PCNX1: variants seen among roughly 807,000 people sequenced by gnomAD.
PCNX1 encodes pecanex-like protein 1.
In PCNX1, 78 loss-of-function variants were observed where a neutral mutation model predicts 242.2. That is an observed-to-expected ratio of 0.32 (90% confidence interval 0.27 to 0.39). PCNX1 has a LOEUF of 0.39. Among genes scored for constraint, PCNX1 ranks in the 10% least tolerant of loss-of-function variants. PCNX1 has a pLI of 1.00. For missense variants in PCNX1, 2,581 were observed against 2,856.5 expected, an observed-to-expected ratio of 0.90 and a Z score of 2.20; for synonymous variants, 1,024 against 1,032.9, an observed-to-expected ratio of 0.99 and a Z score of 0.17.
intron 33 of PCNX1, among the ~76,000 whole-genome samples, chr14:71,106,049 T>C (rs2062609037): frequency 6.6e-6 from 1 of 152,036 alleles, no homozygotes; most frequent in Non-Finnish European, 1.5e-5. Context: ...AGTCTCACTC[T>C]GTTGCTCAGG....
chr14:71,041,905 A>T (rs576491048), intron 19 of PCNX1, among the ~76,000 whole-genome samples: 51 of 152,094 alleles, frequency 3.4e-4, no homozygotes, highest in African/African-American at 1.2e-3. Flanking sequence ...GGAAATTTTT[A>T]AATTTTATTT....
intron 1 of PCNX1, among the ~76,000 whole-genome samples, chr14:70,936,392 G>C (rs2057006411): frequency 1.3e-5 from 2 of 150,510 alleles, no homozygotes; most frequent in Non-Finnish European, 1.5e-5. Flanking sequence ...TTGGTTTTCT[G>C]TCCTTGCGAC....
rs1370378590 is a variant in PCNX1 at position 71,047,007 on chromosome 14, T to G, written c.4062T>G (p.Leu1354=). ...MMWFEKLHVW[L]LFVEKNIIYP... Reference sequence around the variant, plus strand: ...GGTTTGAGAAACTTCATGTGTGGCTTCTTTTTGTGGAGAAGAATATAATCT... The same window carrying G: ...GGTTTGAGAAACTTCATGTGTGGCTGCTTTTTGTGGAGAAGAATATAATCT... The change falls in exon 21 of 36, where the codon CTT becomes CTG. Residue 1354 remains leucine (L), a synonymous_variant. Coordinates refer to ENST00000304743, the MANE Select transcript of PCNX1 (RefSeq NM_014982.3). 1.4e-5 allele frequency: 22 copies of G among 1,610,910 alleles called. No individual in the cohort carries two copies. Among genetic ancestry groups the G allele is most frequent in the Non-Finnish European group, 1.9e-5 (22 of 1,178,094 alleles).
At chr14:71,106,178 T>A (rs1566810686) in intron 33 of PCNX1, among the ~76,000 whole-genome samples, 2 of 151,548 alleles carry the variant, frequency 1.3e-5, no homozygotes, top group African/African-American at 2.4e-5. Flanking sequence ...TGCGCCCAAC[T>A]AATTTTTTTT....
intron 26 of PCNX1, among the ~76,000 whole-genome samples, chr14:71,065,991 T>C (rs1010815074): frequency 1.3e-5 from 2 of 152,142 alleles, no homozygotes; most frequent in Non-Finnish European, 2.9e-5. Flanking sequence ...TTTGTACAAG[T>C]ACCATGCTGT....
rs552724882 is a variant in PCNX1 at position 70,941,766 on chromosome 14, C to T, written c.154-5149C>T. Among the ~76,000 whole-genome samples, 23 of 152,310 alleles carry T rather than the reference C, an allele frequency of 1.5e-4. 1 individual carries two copies. Among genetic ancestry groups the T allele is most frequent in the East Asian group, 9.6e-4 (5 of 5,192 alleles). Reference sequence around the variant, plus strand: ...GAGGCAGGCAGGCCTCCTTGAGCTGCGGTGAGCTTCACCCAGTTAGAGCTT... The same window carrying T: ...GAGGCAGGCAGGCCTCCTTGAGCTGTGGTGAGCTTCACCCAGTTAGAGCTT... On this transcript the variant is annotated intron_variant, in intron 1 of 35. Coordinates refer to ENST00000304743, the MANE Select transcript of PCNX1 (RefSeq NM_014982.3).
At position 70,962,375 on chromosome 14, in the gene PCNX1, G is replaced by A. The variant is rs1188084391; in HGVS notation, c.468+44G>A. ...TTATTTTGCCTTTTTCCCTCCTCCT[G>A]ATGGTGGTCTCCGTTATTCTCGTGT... On this transcript the variant is annotated intron_variant, in intron 3 of 35. Transcript: ENST00000304743. 3.0e-6 allele frequency: 3 copies of A among 993,860 alleles called. No individual in the cohort carries two copies. The Admixed American group carries it at 5.1e-5, about 17-fold the overall frequency. The allele number at this position is 993,860 out of a possible 1,614,324, so 61.6% of individuals were successfully genotyped here. A position where few individuals can be genotyped will look rare whatever the true frequency, so the allele number is the denominator to read the frequency against.
chr14:71,079,012 C>G (rs1429535821), intron 28 of PCNX1, among the ~76,000 whole-genome samples: 2 of 152,100 alleles, frequency 1.3e-5, no homozygotes, highest in African/African-American at 4.8e-5. Context: ...CCCCTACACC[C>G]CGACAGGCCC....
In PCNX1 at chr14:71,018,991, A is replaced by C. The variant is rs753440662; in HGVS notation, c.2997-18A>C. The stretch of plus-strand genomic sequence containing the variant: ...TTATACTTAAGATATACTTACCCAT[A>C]AGTTTTTCTGTCCGTAGAAATCGTG... On this transcript the variant is annotated intron_variant, in intron 11 of 35. Coordinates refer to ENST00000304743, the MANE Select transcript of PCNX1 (RefSeq NM_014982.3). 1.2e-6 allele frequency: 2 copies of C among 1,601,976 alleles called. No individual in the cohort carries two copies. The highest frequency in any genetic ancestry group is 2.7e-5 in the African/African-American group (2 of 74,256).
intron 16 of PCNX1, among the ~76,000 whole-genome samples, chr14:71,031,024 CAAACATCACTGA>C (rs2060367182): frequency 6.6e-6 from 1 of 152,130 alleles, no homozygotes; most frequent in African/African-American, 2.4e-5. Flanking sequence ...AAACTTTCTG[CAAACATCACTGA>C]AAACTTCACC....
At chr14:71,045,454 A>T (rs889568477) in intron 20 of PCNX1, among the ~76,000 whole-genome samples, 171 bp downstream of exon 20, 1 of 152,202 alleles carries the variant, frequency 6.6e-6, no homozygotes, top group Non-Finnish European at 1.5e-5. Flanking sequence ...GCTTTAATTT[A>T]GCTGAAATAT....
intron 1 of PCNX1, among the ~76,000 whole-genome samples, chr14:70,931,149 A>G (rs958208870): frequency 6.6e-6 from 1 of 152,160 alleles, no homozygotes; most frequent in Non-Finnish European, 1.5e-5. Flanking sequence ...TGGGAGAGCT[A>G]TGGAACTGAA....
intron 10 of PCNX1, 150 bp from the exon 11 acceptor site, chr14:71,012,835 A>T: frequency 3.4e-6 from 2 of 590,636 alleles, no homozygotes; most frequent in South Asian, 2.1e-5. Context: ...AAAAAAAAAA[A>T]AAAGTGTATG....
In PCNX1 at chr14:70,989,948, T is replaced by C. The variant is rs1595156183; in HGVS notation, c.2444+1249T>C. ...ACCATTTTACAAATTATTTTCTAGC[T>C]ACATTTTAATTTCAAATTCAAAAGG... is the stretch of plus-strand genomic sequence containing the variant. On this transcript the variant is annotated intron_variant, in intron 7 of 35. Transcript: ENST00000304743. Among the ~76,000 whole-genome samples the C allele has an allele frequency of 2.0e-5, 3 of 152,378 alleles. No homozygotes were observed. The East Asian group carries it at 5.8e-4, about 29-fold the overall frequency.
chr14:71,047,322 T>C (rs1404778853), intron 21 of PCNX1, among the ~76,000 whole-genome samples: 1 of 152,160 alleles, frequency 6.6e-6, no homozygotes, highest in African/African-American at 2.4e-5. Flanking sequence ...TCAATTGATA[T>C]TTTATGAGAG....
intron 1 of PCNX1, among the ~76,000 whole-genome samples, chr14:70,917,796 T>G (rs751642695): frequency 1.3e-5 from 2 of 152,240 alleles, no homozygotes; most frequent in Non-Finnish European, 2.9e-5. Context: ...GATATTGACT[T>G]AACCTTCTCT....
intron 1 of PCNX1, among the ~76,000 whole-genome samples, chr14:70,924,886 C>T (rs980650736): frequency 1.3e-5 from 2 of 152,110 alleles, no homozygotes; most frequent in Admixed American, 6.6e-5. Flanking sequence ...AGCCACTGCA[C>T]CTGGCCTGAA....
intron 28 of PCNX1, chr14:71,085,794 C>T: frequency 2.7e-6 from 1 of 366,584 alleles, no homozygotes; most frequent in Non-Finnish European, 5.5e-6. Context: ...AGCTTCAGCC[C>T]ATCCTTAGGA....
chr14:71,039,714 C>A (rs1030336107), intron 19 of PCNX1, among the ~76,000 whole-genome samples: 2 of 152,174 alleles, frequency 1.3e-5, no homozygotes, highest in Non-Finnish European at 2.9e-5. Flanking sequence ...GACATCCCTT[C>A]TATATGCAAA....
Sources: gnomAD v4.1 joint callset for allele counts (sites outside exome capture counted in the v4.1 genomes callset) on GRCh38, gnomAD v4.1.1 for gene constraint, MANE v1.5 for transcripts, NCBI Gene and HGNC (gene_info 2026-07-23, HGNC 2026-07-21) for gene names.